SPECC1: variants seen among roughly 807,000 people sequenced by gnomAD.
SPECC1 encodes the protein cytospin-B.
A neutral mutation model predicts 104.1 loss-of-function variants in SPECC1; 62 were observed. The observed-to-expected ratio is 0.60, with a 90% CI of 0.49 to 0.74. The LOEUF is 0.74. SPECC1 is among the 30% of genes least tolerant of loss of function. The probability of loss-of-function intolerance (pLI) is 0.00; values close to 1 mark genes in which losing one functional copy is unlikely to be tolerated. For synonymous variants in SPECC1, 513 were observed against 501.6 expected (o/e 1.02, Z -0.30); for missense variants, 1,306 against 1,310.5 (o/e 1.00, Z 0.05).
chr17:20,267,362 G>T (rs890759942), intron 12 of SPECC1, among the ~76,000 whole-genome samples: 1 of 152,158 alleles, frequency 6.6e-6, no homozygotes, highest in African/African-American at 2.4e-5. Flanking sequence ...TTTCTGTTAC[G>T]ATGGAGAGAT....
intron 12 of SPECC1, among the ~76,000 whole-genome samples, chr17:20,263,251 C>T (rs1399283278): frequency 6.8e-6 from 1 of 147,900 alleles, no homozygotes; most frequent in Non-Finnish European, 1.5e-5. Context: ...TTCCTGTGTC[C>T]TTGGCAGCGT....
At chr17:20,219,339 T>C (rs1219239989) in intron 4 of SPECC1, among the ~76,000 whole-genome samples, 2 of 152,186 alleles carry the variant, frequency 1.3e-5, no homozygotes, top group Non-Finnish European at 2.9e-5. Context: ...TGAATAAAAG[T>C]CATGACTTTT....
At chr17:20,243,131 C>T (rs2039276075) in intron 7 of SPECC1, among the ~76,000 whole-genome samples, 1 of 152,124 alleles carries the variant, frequency 6.6e-6, no homozygotes, top group South Asian at 2.1e-4. Context: ...TTTTGAGTGA[C>T]TCAAATTATT....
At chr17:20,234,944 A>ATGT (rs1449590880) in intron 7 of SPECC1, among the ~76,000 whole-genome samples, 6 of 152,224 alleles carry the variant, frequency 3.9e-5, no homozygotes, top group African/African-American at 2.4e-5. Context: ...AGAATAACTG[A>ATGT]TGTTAAGGTA....
At chr17:20,065,495 TGAA>T (rs2046327976) in intron 1 of SPECC1, among the ~76,000 whole-genome samples, 1 of 152,214 alleles carries the variant, frequency 6.6e-6, no homozygotes, top group Non-Finnish European at 1.5e-5. Context: ...AGGATACAGA[TGAA>T]GAGAAGTGTA....
chr17:20,130,046 G>A (rs963301560), intron 3 of SPECC1, among the ~76,000 whole-genome samples: 6 of 152,034 alleles, frequency 3.9e-5, no homozygotes, highest in African/African-American at 9.7e-5. Context: ...GAGCCACTGC[G>A]CCCAGCTGCC....
intron 3 of SPECC1, among the ~76,000 whole-genome samples, chr17:20,178,837 C>G (rs1209548279): frequency 6.6e-6 from 1 of 152,184 alleles, no homozygotes; most frequent in Non-Finnish European, 1.5e-5. Flanking sequence ...TGTTAGACTT[C>G]AGATTGAAAG....
chr17:20,058,496 A>G (rs985241019), intron 1 of SPECC1, among the ~76,000 whole-genome samples: 1 of 151,990 alleles, frequency 6.6e-6, no homozygotes, highest in Admixed American at 6.6e-5. Context: ...CCATCTCTAT[A>G]AAAAATTTAA....
intron 1 of SPECC1, among the ~76,000 whole-genome samples, chr17:20,020,863 T>C (rs2152433205): frequency 6.6e-6 from 1 of 152,330 alleles, no homozygotes; most frequent in South Asian, 2.1e-4. Context: ...AGTTGACCCG[T>C]GAACAATGAG....
At chr17:20,156,266 A>G (rs766800848) in intron 3 of SPECC1, 2 of 1,306,746 alleles carry the variant, frequency 1.5e-6, no homozygotes, top group East Asian at 3.1e-5. Flanking sequence ...GTCGCGCCGC[A>G]GCCGCAACCC....
At chr17:20,257,909 T>A (rs1442105769) in intron 11 of SPECC1, among the ~76,000 whole-genome samples, 2 of 152,218 alleles carry the variant, frequency 1.3e-5, no homozygotes, top group African/African-American at 4.8e-5. Context: ...AAGGTACCAT[T>A]ACAAGCACGC....
At position 20,204,825 on chromosome 17, in the gene SPECC1, A is replaced by C. The variant is rs892221661; in HGVS notation, c.776A>C (p.His259Pro). ...VLKEKLIYLE[H>P]SPNSEGAASH... ...AAGGAGAAACTGATCTATCTTGAGC[A>C]CTCCCCAAATTCAGAAGGGGCAGCA... Residue 259 changes from histidine (H) to proline (P), a missense_variant, in exon 4 of 15, where the codon CAC becomes CCC. By Grantham distance (77) the His-to-Pro change is moderately conservative. Coordinates refer to ENST00000395527, the MANE Select transcript of SPECC1 (RefSeq NM_001243439.2). 1 of 1,613,838 alleles carries C rather than the reference A, an allele frequency of 6.2e-7. No homozygotes were observed. The highest frequency in any genetic ancestry group is 8.5e-7 in the Non-Finnish European group (1 of 1,179,992).
chr17:20,077,052 G>A (rs538997231), intron 1 of SPECC1, among the ~76,000 whole-genome samples: 5 of 151,884 alleles, frequency 3.3e-5, no homozygotes, highest in Non-Finnish European at 7.4e-5. Context: ...AGATTTATTT[G>A]CCATATTTTT....
chr17:20,247,491 A>G (rs1388304635), intron 9 of SPECC1, among the ~76,000 whole-genome samples, 172 bp downstream of exon 9: 8 of 152,218 alleles, frequency 5.3e-5, no homozygotes, highest in South Asian at 2.1e-4. Context: ...TATCATCGGA[A>G]TGTAAGCTTC....
intron 3 of SPECC1, among the ~76,000 whole-genome samples, chr17:20,153,966 G>A (rs912336770): frequency 1.3e-5 from 2 of 152,176 alleles, no homozygotes; most frequent in Admixed American, 1.3e-4. Flanking sequence ...ATATTTGCTT[G>A]TACATGCTCA....
At chr17:20,172,613 G>A (rs569665683) in intron 3 of SPECC1, among the ~76,000 whole-genome samples, 1 of 152,182 alleles carries the variant, frequency 6.6e-6, no homozygotes, top group African/African-American at 2.4e-5. Flanking sequence ...GTGGGAGGAC[G>A]TGAGATGGGA....
At chr17:20,138,661 C>G (rs771689452) in intron 3 of SPECC1, among the ~76,000 whole-genome samples, 3 of 152,176 alleles carry the variant, frequency 2.0e-5, no homozygotes, top group Non-Finnish European at 4.4e-5. Context: ...CTTAGTAATA[C>G]ACATTTAAGT....
At chr17:20,014,179 T>A (rs1268785445) in intron 1 of SPECC1, among the ~76,000 whole-genome samples, 2 of 152,236 alleles carry the variant, frequency 1.3e-5, no homozygotes, top group South Asian at 2.1e-4. Context: ...GGTTTTAATT[T>A]GGATTTTCCT....
At chr17:20,181,916 T>G (rs887277332) in intron 3 of SPECC1, among the ~76,000 whole-genome samples, 2 of 152,128 alleles carry the variant, frequency 1.3e-5, no homozygotes, top group African/African-American at 4.8e-5. Flanking sequence ...TGGGTAGATA[T>G]AATGTTATAA....
Sources: gnomAD v4.1 joint callset for allele counts (sites outside exome capture counted in the v4.1 genomes callset) on GRCh38, gnomAD v4.1.1 for gene constraint, MANE v1.5 for transcripts, NCBI Gene and HGNC (gene_info 2026-07-23, HGNC 2026-07-21) for gene names.